CACNA1G: variants seen among roughly 807,000 people sequenced by gnomAD.
CACNA1G encodes the protein voltage-dependent T-type calcium channel subunit alpha-1G.
A neutral mutation model predicts 219.4 loss-of-function variants in CACNA1G; 67 were observed. The observed-to-expected ratio is 0.31, with a 90% CI of 0.25 to 0.37. The LOEUF (loss-of-function observed/expected upper bound fraction) is 0.37, where lower values mean the gene tolerates loss of function less well. Among genes scored for constraint, CACNA1G ranks in the 10% least tolerant of loss-of-function variants. The pLI is 1.00. For synonymous variants in CACNA1G, 1,296 were observed against 1,345.3 expected (o/e 0.96, Z 0.80); for missense variants, 2,380 against 3,231.4 (o/e 0.74, Z 6.39).
At chr17:50,567,012 G>A (rs1377227777) in intron 1 of CACNA1G, among the ~76,000 whole-genome samples, 1 of 152,196 alleles carries the variant, frequency 6.6e-6, no homozygotes, top group African/African-American at 2.4e-5. Context: ...GGAGAGGAGG[G>A]GACCTGCATG....
At chr17:50,611,387 T>G (rs968382880) in intron 26 of CACNA1G, among the ~76,000 whole-genome samples, 4 of 152,036 alleles carry the variant, frequency 2.6e-5, no homozygotes, top group Non-Finnish European at 5.9e-5. Flanking sequence ...ATCAGGCAGA[T>G]GCTGCCCTGG....
At chr17:50,619,859 T>C in intron 34 of CACNA1G, 33 bp downstream of exon 34, 1 of 1,575,918 alleles carries the variant, frequency 6.3e-7, no homozygotes. Flanking sequence ...CCCTCTCCCC[T>C]GACCGTGCTG....
rs768869797 is a variant in CACNA1G, at chr17:50,626,591, C to T, written c.6974C>T (p.Pro2325Leu). 1.2e-6 allele frequency: 2 copies of T among 1,612,110 alleles called. No homozygotes were observed. Among genetic ancestry groups the T allele is most frequent in the South Asian group, 1.1e-5 (1 of 90,870 alleles). Reference sequence around the variant, plus strand: ...GAGAGCCAAGGTCCTCGGACCCCGCCCAGCCCTGGTATCTGCCTCCGGAGG... The same window carrying T: ...GAGAGCCAAGGTCCTCGGACCCCGCTCAGCCCTGGTATCTGCCTCCGGAGG... ...PPESQGPRTP[P>L]SPGICLRRRA... is the part of the protein sequence containing the mutation. Residue 2325 changes from proline to leucine, a missense_variant, in exon 38 of 38, where the codon CCC becomes CTC. This residue lies in a region of CACNA1G where 672 missense variants were observed against 670.5 expected (regional missense o/e 1.00). Transcript: ENST00000359106. The surrounding 1 kb of genome is among the most constrained non-coding windows in gnomAD (Gnocchi z 4.3).
chr17:50,580,816 A>G (rs1426675007), intron 9 of CACNA1G, among the ~76,000 whole-genome samples: 1 of 152,276 alleles, frequency 6.6e-6, no homozygotes, highest in African/African-American at 2.4e-5. Flanking sequence ...ACAGCTGTCC[A>G]GCGGGCTCAG....
At chr17:50,584,968 C>A (rs937762097) in intron 9 of CACNA1G, among the ~76,000 whole-genome samples, 2 of 152,144 alleles carry the variant, frequency 1.3e-5, no homozygotes, top group Non-Finnish European at 2.9e-5. Context: ...CTCAGCACTT[C>A]CAGAGCCGCA....
At chr17:50,584,710 C>A (rs1391963278) in intron 9 of CACNA1G, among the ~76,000 whole-genome samples, 1 of 151,586 alleles carries the variant, frequency 6.6e-6, no homozygotes, top group Non-Finnish European at 1.5e-5. Context: ...CAGTGGGATG[C>A]ACAACACAGA....
chr17:50,601,038 C>T lies in CACNA1G; in HGVS notation c.3792-13C>T. The T allele has an allele frequency of 6.2e-7, 1 of 1,613,132 alleles. No homozygotes were observed. ...GCCTCCCCCTCTCAGCCGTTGCCTC[C>T]ATGCCTGGGCAGGTTCCGCCTCCTG... On this transcript the variant is annotated splice_polypyrimidine_tract_variant and intron_variant, in intron 18 of 37. Coordinates refer to ENST00000359106, the MANE Select transcript of CACNA1G (RefSeq NM_018896.5).
chr17:50,593,190 CT>C (rs1481215947), intron 13 of CACNA1G, among the ~76,000 whole-genome samples: 7 of 152,132 alleles, frequency 4.6e-5, no homozygotes, highest in Non-Finnish European at 8.8e-5. Flanking sequence ...GAATGGGACA[CT>C]AATTTGGGGG....
intron 13 of CACNA1G, among the ~76,000 whole-genome samples, chr17:50,593,014 A>G (rs1273696680): frequency 1.3e-5 from 2 of 152,122 alleles, no homozygotes; most frequent in Non-Finnish European, 2.9e-5. Context: ...GGTGCAGCGT[A>G]TCTGTCCCAC....
At position 50,591,448 on chromosome 17, in the gene CACNA1G, G is replaced by T. The variant is rs372826053; in HGVS notation, c.2467G>T (p.Val823Leu). ...VIVVISVWEI[V>L]GQQGGGLSVL... ...CCCCCTTTGCAGCGTGTGGGAGATC[G>T]TGGGCCAGCAGGGGGGCGGCCTGTC... The change falls in exon 11 of 38, where the codon GTG (valine) becomes TTG (leucine). Residue 823 changes from valine (V) to leucine (L), a missense_variant. By Grantham distance (32) the Val-to-Leu change is conservative (BLOSUM62 1). This residue lies in a region of CACNA1G where 82 missense variants were observed against 140.7 expected (regional missense o/e 0.58). Coordinates refer to ENST00000359106, the MANE Select transcript of CACNA1G (RefSeq NM_018896.5). 5.1e-6 allele frequency: 8 copies of T among 1,579,768 alleles called. No individual in the cohort carries two copies. Among genetic ancestry groups the T allele is most frequent in the Non-Finnish European group, 6.9e-6 (8 of 1,164,770 alleles).
chr17:50,610,069 C>G (rs11658835), intron 26 of CACNA1G, 134 bp downstream of exon 26: 3 of 801,112 alleles, frequency 3.7e-6, no homozygotes, highest in Non-Finnish European at 6.1e-6. Context: ...GGGGCTGAAG[C>G]GCTGGGCTCT....
chr17:50,568,132 G>A (rs887330117), intron 1 of CACNA1G, among the ~76,000 whole-genome samples: 1 of 152,180 alleles, frequency 6.6e-6, no homozygotes, highest in Non-Finnish European at 1.5e-5. Context: ...CCGGGCTCTG[G>A]TGCTGTAGCA....
Position 50,617,402 on chromosome 17 carries a change from C to A in CACNA1G, c.5022-36C>A. On this transcript the variant is annotated intron_variant, in intron 28 of 37. Transcript: ENST00000359106. This position sits in a 1 kb window ranked among gnomAD's most constrained non-coding sequence, Gnocchi z 5.8. ...CTGCCCCCTCCTTCAGGAACCCCCTCCCCCAACTCAGGGAGCTGTATTCTG... is the reference window on the plus strand; with the variant it reads ...CTGCCCCCTCCTTCAGGAACCCCCTACCCCAACTCAGGGAGCTGTATTCTG... 2 of 1,588,206 alleles carry A rather than the reference C, an allele frequency of 1.3e-6. No individual in the cohort carries two copies. The highest frequency in any genetic ancestry group is 1.7e-6 in the Non-Finnish European group (2 of 1,162,224).
chr17:50,611,047 G>T (rs1387901529), intron 26 of CACNA1G, among the ~76,000 whole-genome samples: 1 of 151,798 alleles, frequency 6.6e-6, no homozygotes, highest in African/African-American at 2.4e-5. Flanking sequence ...TGAGGTCAGG[G>T]GTTTGAGACC....
chr17:50,572,094 C>G, intron 5 of CACNA1G, 57 bp downstream of exon 5: 2 of 1,542,430 alleles, frequency 1.3e-6, no homozygotes, highest in Admixed American at 3.6e-5. Flanking sequence ...GCTGGGCACC[C>G]CCCCAAGTTC....
chr17:50,599,025 GC>G (rs1292802847), intron 16 of CACNA1G, among the ~76,000 whole-genome samples: 6 of 152,296 alleles, frequency 3.9e-5, no homozygotes, highest in African/African-American at 1.4e-4. Flanking sequence ...ACCGTGCCCA[GC>G]CCTGTGTCTC....
rs985249534 is a variant in CACNA1G at position 50,600,436 on chromosome 17, G to C, written c.3691-290G>C. ...GCTCAGCAGGGAGGACAGGCAGGGG[G>C]CTGGGCTGGAGGCAGGGGTGGGGAG... On this transcript the variant is annotated intron_variant, in intron 17 of 37. Coordinates refer to ENST00000359106, the MANE Select transcript of CACNA1G (RefSeq NM_018896.5). The surrounding 1 kb of genome is among the most constrained non-coding windows in gnomAD (Gnocchi z 4.1). Among the ~76,000 whole-genome samples the C allele has an allele frequency of 2.6e-5, 4 of 152,006 alleles. No homozygotes were observed. Among genetic ancestry groups the C allele is most frequent in the Non-Finnish European group, 1.5e-5 (1 of 67,958 alleles).
At chr17:50,614,291 C>T (rs577796369) in intron 26 of CACNA1G, among the ~76,000 whole-genome samples, 8 of 152,338 alleles carry the variant, frequency 5.3e-5, no homozygotes, top group African/African-American at 1.9e-4. Flanking sequence ...GCCTCAGAGG[C>T]GGCAGCCCTC....
chr17:50,625,562 G>C (rs1214353706), intron 37 of CACNA1G, among the ~76,000 whole-genome samples: 1 of 152,174 alleles, frequency 6.6e-6, no homozygotes, highest in Non-Finnish European at 1.5e-5. Context: ...GTTTTACTTG[G>C]GGACAGAGAC....
Sources: allele counts gnomAD v4.1 joint callset (sites outside exome capture counted in the v4.1 genomes callset), GRCh38; gene constraint gnomAD v4.1.1; regional missense constraint gnomAD v4.1.1; non-coding constraint Gnocchi (gnomAD v3.1); transcripts MANE v1.5; gene names NCBI Gene and HGNC (gene_info 2026-07-23, HGNC 2026-07-21).